STARD3NL: variants seen among roughly 807,000 people sequenced by gnomAD.
STARD3NL encodes the protein STARD3 N-terminal-like protein.
STARD3NL carries 17 observed loss-of-function variants against 30.9 expected under a neutral mutation model. The ratio of observed to expected loss-of-function variants is 0.55; its 90% confidence interval spans 0.38 to 0.82. The LOEUF (loss-of-function observed/expected upper bound fraction) is 0.82, where lower values mean the gene tolerates loss of function less well. Among genes scored for constraint, STARD3NL ranks in the 40% least tolerant of loss-of-function variants. STARD3NL has a pLI of 0.00. For missense variants in STARD3NL, 234 were observed against 277.6 expected (o/e 0.84, Z 1.12); for synonymous variants, 112 against 100.5 (o/e 1.11, Z -0.69).
rs780356081 is a variant in STARD3NL at position 38,228,811 on chromosome 7, C to A, written c.662C>A (p.Ala221Asp). ...PPESEAGSEE[A>D]EEKQDSEKPL... ...CTCCACCACGTAGGATCTGAAGAAG[C>A]TGAAGAAAAACAGGACAGTGAGAAA... The change falls in exon 8 of 9, where the codon GCT becomes GAT. Residue 221 changes from alanine (A) to aspartate (D), a missense_variant. Ala to Asp is a moderately radical substitution (Grantham distance 126). Coordinates refer to ENST00000009041, the MANE Select transcript of STARD3NL (RefSeq NM_032016.4). 3 of 1,612,254 alleles carry A rather than the reference C, an allele frequency of 1.9e-6. No homozygotes were observed. The highest frequency in any genetic ancestry group is 1.3e-5 in the African/African-American group (1 of 75,002).
intron 8 of STARD3NL, 36 bp downstream of exon 8, chr7:38,228,907 G>GT: frequency 6.8e-7 from 1 of 1,466,812 alleles, no homozygotes; most frequent in Admixed American, 1.7e-5. Context: ...CAACAAAGTA[G>GT]TTAAGTATGG....
Position 38,196,933 on chromosome 7 carries a change from A to C in STARD3NL, c.-58-10514A>C, listed in dbSNP as rs571337645. Among the ~76,000 whole-genome samples, 3 of 152,328 alleles carry C rather than the reference A, an allele frequency of 2.0e-5. No individual in the cohort carries two copies. In the South Asian group the frequency reaches 6.2e-4, roughly 32 times the overall value. ...CACAGGAAAACAAGGCTGCTTTGAA[A>C]TGTCAACGTAATTGTAATGGGCAGT... On this transcript the variant is annotated intron_variant, in intron 1 of 8. Coordinates refer to ENST00000009041, the MANE Select transcript of STARD3NL (RefSeq NM_032016.4).
At chr7:38,222,347 A>G (rs1293565949) in intron 7 of STARD3NL, among the ~76,000 whole-genome samples, 2 of 152,240 alleles carry the variant, frequency 1.3e-5, no homozygotes, top group Non-Finnish European at 2.9e-5. Flanking sequence ...GAGCTAGATG[A>G]AATACAGATA....
chr7:38,215,626 C>T (rs1242557474), intron 4 of STARD3NL: 1 of 153,580 alleles, frequency 6.5e-6, no homozygotes, highest in Non-Finnish European at 1.4e-5. Flanking sequence ...TTCCTGGCAT[C>T]TAGCACAGAG....
At chr7:38,179,763 G>A (rs570817078) in intron 1 of STARD3NL, among the ~76,000 whole-genome samples, 13 of 152,326 alleles carry the variant, frequency 8.5e-5, no homozygotes, top group African/African-American at 3.1e-4. Flanking sequence ...GAGTGACTGG[G>A]TTGTATGGAG....
intron 1 of STARD3NL, among the ~76,000 whole-genome samples, chr7:38,204,022 A>G (rs1472875602): frequency 6.6e-6 from 1 of 152,210 alleles, no homozygotes; most frequent in Admixed American, 6.5e-5. Context: ...TTAGACTCCC[A>G]CACAATAATA....
At chr7:38,191,301 C>T (rs1289157444) in intron 1 of STARD3NL, among the ~76,000 whole-genome samples, 1 of 152,166 alleles carries the variant, frequency 6.6e-6, no homozygotes, top group Admixed American at 6.5e-5. Flanking sequence ...ACCATGGACT[C>T]ATGGAATTTT....
At position 38,189,900 on chromosome 7, in the gene STARD3NL, T is replaced by C. The variant is rs1016250249; in HGVS notation, c.-59+11480T>C. Among the ~76,000 whole-genome samples the C allele has an allele frequency of 2.6e-5, 4 of 152,238 alleles. No homozygotes were observed. The East Asian group carries it at 7.7e-4, about 29-fold the overall frequency. On this transcript the variant is annotated intron_variant, in intron 1 of 8. Transcript: ENST00000009041. ...CAAAGGTACGTGTACAAAATTCATA[T>C]GCATTCTGTTTTATAGCATGATTTA... is the stretch of plus-strand genomic sequence containing the variant.
chr7:38,200,186 C>G (rs1240589502), intron 1 of STARD3NL, among the ~76,000 whole-genome samples: 8 of 152,132 alleles, frequency 5.3e-5, no homozygotes, highest in Non-Finnish European at 1.2e-4. Flanking sequence ...TGGAAATAGG[C>G]AACAAGAAGC....
At chr7:38,208,718 G>A (rs1174075463) in intron 2 of STARD3NL, among the ~76,000 whole-genome samples, 1 of 151,950 alleles carries the variant, frequency 6.6e-6, no homozygotes, top group Non-Finnish European at 1.5e-5. Flanking sequence ...ATTTTTAGGG[G>A]GTTACTCTTT....
At chr7:38,181,066 T>C (rs1038154215) in intron 1 of STARD3NL, among the ~76,000 whole-genome samples, 1 of 152,244 alleles carries the variant, frequency 6.6e-6, no homozygotes, top group African/African-American at 2.4e-5. Context: ...CTTCTTGGGC[T>C]ACAATAATCA....
At chr7:38,227,878 T>C (rs887761943) in intron 7 of STARD3NL, among the ~76,000 whole-genome samples, 19 of 152,190 alleles carry the variant, frequency 1.2e-4, no homozygotes, top group African/African-American at 4.3e-4. Flanking sequence ...ATTCATATTC[T>C]GCTTTTTAAA....
At chr7:38,208,595 C>T (rs909006841) in intron 2 of STARD3NL, among the ~76,000 whole-genome samples, 1 of 152,120 alleles carries the variant, frequency 6.6e-6, no homozygotes, top group African/African-American at 2.4e-5. Context: ...TGAGCTCCTC[C>T]AGGAGGTTTT....
At chr7:38,229,109 G>A (rs1786954015) in intron 8 of STARD3NL, among the ~76,000 whole-genome samples, 1 of 152,204 alleles carries the variant, frequency 6.6e-6, no homozygotes, top group South Asian at 2.1e-4. Context: ...GAATAGAGAT[G>A]AATTTATGTT....
chr7:38,211,687 A>G (rs1389557954), intron 2 of STARD3NL, among the ~76,000 whole-genome samples: 1 of 152,116 alleles, frequency 6.6e-6, no homozygotes. Context: ...GAAGTCAGTG[A>G]CTCACAGTCT....
chr7:38,221,698 C>T (rs1357779028), intron 7 of STARD3NL, among the ~76,000 whole-genome samples: 21 of 152,158 alleles, frequency 1.4e-4, no homozygotes, highest in Non-Finnish European at 2.9e-5. Flanking sequence ...TGCTCAAAAG[C>T]CTTCAGTAGC....
At chr7:38,185,099 T>C (rs990921702) in intron 1 of STARD3NL, among the ~76,000 whole-genome samples, 2 of 152,080 alleles carry the variant, frequency 1.3e-5, no homozygotes, top group Non-Finnish European at 2.9e-5. Flanking sequence ...TTGTGATTAG[T>C]GGTCTTTGTG....
At chr7:38,185,909 A>G (rs1261234542) in intron 1 of STARD3NL, among the ~76,000 whole-genome samples, 1 of 152,180 alleles carries the variant, frequency 6.6e-6, no homozygotes, top group African/African-American at 2.4e-5. Flanking sequence ...CACTGTGGAT[A>G]CTATTGATTT....
At chr7:38,211,032 C>G (rs1257497093) in intron 2 of STARD3NL, among the ~76,000 whole-genome samples, 1 of 151,936 alleles carries the variant, frequency 6.6e-6, no homozygotes, top group Non-Finnish European at 1.5e-5. Context: ...TACAGCAGCC[C>G]CTTTGAAGAT....
Sources: allele counts gnomAD v4.1 joint callset (sites outside exome capture counted in the v4.1 genomes callset), GRCh38; gene constraint gnomAD v4.1.1; transcripts MANE v1.5; gene names NCBI Gene and HGNC (gene_info 2026-07-23, HGNC 2026-07-21).